The following STX11 variants were observed in gnomAD, a reference collection of about 807,000 sequenced individuals.
STX11 encodes the protein syntaxin-11.
STX11 carries 21 observed loss-of-function variants against 19.9 expected under a neutral mutation model. The ratio of observed to expected loss-of-function variants is 1.06; its 90% CI spans 0.75 to 1.52. The LOEUF is 1.52. STX11 is among the 40% of genes most tolerant of loss of function. The probability of loss-of-function intolerance (pLI) is 0.00; values close to 1 mark genes in which losing one functional copy is unlikely to be tolerated. For missense variants in STX11, 438 were observed against 405.9 expected (o/e 1.08, Z -0.68); for synonymous variants, 193 against 174.4 (o/e 1.11, Z -0.84).
chr6:144,181,348 A>G (rs1801906606), intron 1 of STX11, among the ~76,000 whole-genome samples: 1 of 152,038 alleles, frequency 6.6e-6, no homozygotes. Flanking sequence ...TAATCCCAGA[A>G]CTTTGGGAGG....
upstream of STX11, among the ~76,000 whole-genome samples, chr6:144,146,627 A>G (rs952427103): frequency 1.3e-5 from 2 of 151,990 alleles, no homozygotes; most frequent in African/African-American, 2.4e-5. The surrounding 1 kb of genome is among the most constrained non-coding windows in gnomAD (Gnocchi z 4.4). Context: ...TTTTAATTTC[A>G]TTGATAAAAT....
the STX11 span, chr6:144,140,800 C>T: frequency 1.0e-6 from 1 of 985,334 alleles, no homozygotes; most frequent in Non-Finnish European, 1.2e-6. Context: ...AGCCAGATCT[C>T]AGCCCCAAAG....
chr6:144,171,371 A>T (rs995066104), intron 1 of STX11, among the ~76,000 whole-genome samples: 2 of 152,152 alleles, frequency 1.3e-5, no homozygotes, highest in African/African-American at 4.8e-5. Context: ...GCATCAGGAA[A>T]CTTCTCTGGT....
At chr6:144,163,500 CAG>C (rs1360258151) in intron 1 of STX11, among the ~76,000 whole-genome samples, 2 of 151,836 alleles carry the variant, frequency 1.3e-5, no homozygotes, top group African/African-American at 2.4e-5. Flanking sequence ...TTTTTTGAGA[CAG>C]AGTCTTACTC....
chr6:144,143,588 T>G, the STX11 span, among the ~76,000 whole-genome samples: 1 of 152,070 alleles, frequency 6.6e-6, no homozygotes, highest in African/African-American at 2.4e-5. Context: ...GAACTTCTAT[T>G]TGGAATACAT....
At position 144,172,392 on chromosome 6, in the gene STX11, A is replaced by G. The variant is rs750623307; in HGVS notation, c.-5-14231A>G. 5.3e-5 allele frequency among the ~76,000 whole-genome samples: 8 copies of G among 152,014 alleles called. No individual in the cohort carries two copies. Among genetic ancestry groups the G allele is most frequent in the Non-Finnish European group, 1.0e-4 (7 of 68,006 alleles). ...GAGGCTAGTCTGAGCTTTCTCACAT[A>G]ATGGTTTCAGTGTTCCCAGAGCAGA... On this transcript the variant is annotated intron_variant, in intron 1 of 1. Coordinates refer to ENST00000367568, the MANE Select transcript of STX11 (RefSeq NM_003764.4). The surrounding 1 kb of genome is among the most constrained non-coding windows in gnomAD (Gnocchi z 4.2).
Position 144,159,702 on chromosome 6 carries a change from A to AATT in STX11, c.-6+9000_-6+9001insTTA, listed in dbSNP as rs1425633483. 3.3e-5 allele frequency among the ~76,000 whole-genome samples: 5 copies of AATT among 152,248 alleles called. No individual in the cohort carries two copies. Among genetic ancestry groups the AATT allele is most frequent in the Admixed American group, 6.5e-5 (1 of 15,282 alleles). ...TTTAATATGTAATATACAGTGGAAG[A>AATT]AAATAAATGTAAAGCTCTGAAAATC... On this transcript the variant is annotated intron_variant, in intron 1 of 1. Transcript: ENST00000367568. The surrounding 1 kb of genome is among the most constrained non-coding windows in gnomAD (Gnocchi z 4.3).
upstream of STX11, among the ~76,000 whole-genome samples, chr6:144,148,799 G>C (rs1201606074): frequency 6.6e-6 from 1 of 151,984 alleles, no homozygotes; most frequent in African/African-American, 2.4e-5. Context: ...TGGCTATGTC[G>C]GCCAGATCAG....
chr6:144,177,958 A>T lies in STX11; in HGVS notation c.-5-8665A>T, dbSNP rs1252504617. Among the ~76,000 whole-genome samples, 1 of 152,216 alleles carries T rather than the reference A, an allele frequency of 6.6e-6. No homozygotes were observed. Among genetic ancestry groups the T allele is most frequent in the East Asian group, 1.9e-4 (1 of 5,198 alleles). On this transcript the variant is annotated intron_variant, in intron 1 of 1. Coordinates refer to ENST00000367568, the MANE Select transcript of STX11 (RefSeq NM_003764.4). This position sits in a 1 kb window ranked among gnomAD's most constrained non-coding sequence, Gnocchi z 4.4. ...GTTGCAATGTTGGGGAAACTCTGAT[A>T]TGAAGAAATTTGTGTGGGAAAGAAA...
Position 144,176,432 on chromosome 6 carries a change from C to G in STX11, c.-5-10191C>G, listed in dbSNP as rs1801779269. Among the ~76,000 whole-genome samples, 1 of 152,204 alleles carries G rather than the reference C, an allele frequency of 6.6e-6. No individual in the cohort carries two copies. The highest frequency in any genetic ancestry group is 1.9e-4 in the East Asian group (1 of 5,198). ...GTGAGGATTGTGGTGGATTTTATATCAGTTCTCAAGCACAATGACTGGTTT... is the reference window on the plus strand; with the variant it reads ...GTGAGGATTGTGGTGGATTTTATATGAGTTCTCAAGCACAATGACTGGTTT... On this transcript the variant is annotated intron_variant, in intron 1 of 1. Coordinates refer to ENST00000367568, the MANE Select transcript of STX11 (RefSeq NM_003764.4). This position sits in a 1 kb window ranked among gnomAD's most constrained non-coding sequence, Gnocchi z 4.1.
intron 1 of STX11, among the ~76,000 whole-genome samples, chr6:144,171,676 G>A (rs1801640250): frequency 6.6e-6 from 1 of 151,946 alleles, no homozygotes; most frequent in Non-Finnish European, 1.5e-5. Context: ...CAGAGTCTTT[G>A]TGTGGAAGCT....
At chr6:144,158,929 C>G (rs1403168174) in intron 1 of STX11, among the ~76,000 whole-genome samples, 3 of 152,228 alleles carry the variant, frequency 2.0e-5, no homozygotes, top group African/African-American at 7.2e-5. Flanking sequence ...TTTCCCTTCT[C>G]CCTACCAAGC....
At chr6:144,140,258 A>ATG in the STX11 span, among the ~76,000 whole-genome samples, 2 of 52,506 alleles carry the variant, frequency 3.8e-5, no homozygotes, top group African/African-American at 1.4e-4. Context: ...ATATATATTT[A>ATG]TTTATTTATT....
intron 1 of STX11, among the ~76,000 whole-genome samples, chr6:144,185,363 T>G (rs1802000158): frequency 6.6e-6 from 1 of 152,224 alleles, no homozygotes; most frequent in Non-Finnish European, 1.5e-5. Flanking sequence ...TTACTACTTT[T>G]CCCCTCTTTG....
Position 144,183,646 on chromosome 6 carries a change from T to C in STX11, c.-5-2977T>C, listed in dbSNP as rs1390564597. 2.0e-5 allele frequency among the ~76,000 whole-genome samples: 3 copies of C among 152,070 alleles called. No individual in the cohort carries two copies. Among genetic ancestry groups the C allele is most frequent in the African/African-American group, 2.4e-5 (1 of 41,398 alleles). The stretch of plus-strand genomic sequence containing the variant: ...ACTTTTTTTTAATCTAGAAAAAAAA[T>C]TTAATGTACTTGCTTAGTTCAGCAG... On this transcript the variant is annotated intron_variant, in intron 1 of 1. Transcript: ENST00000367568. This position sits in a 1 kb window ranked among gnomAD's most constrained non-coding sequence, Gnocchi z 4.6.
chr6:144,168,962 A>G (rs570836341), intron 1 of STX11, among the ~76,000 whole-genome samples: 54 of 152,296 alleles, frequency 3.5e-4, no homozygotes, highest in African/African-American at 1.3e-3. Context: ...AGGAATAACA[A>G]ATTCTTGCAA....
Position 144,186,906 on chromosome 6 carries a change from C to A in STX11, c.279C>A (p.Ile93=). The A allele has an allele frequency of 6.2e-7, 1 of 1,611,420 alleles. No individual in the cohort carries two copies. The highest frequency in any genetic ancestry group is 8.5e-7 in the Non-Finnish European group (1 of 1,180,010). The change falls in exon 2 of 2, where the codon ATC becomes ATA. Residue 93 remains isoleucine, a synonymous_variant. Transcript: ENST00000367568. ...ACACCAACTCCATCGCCAAGGCCAT[C>A]AAGGCCCGGGGCGAGGTCATCCACT... ...KRDTNSIAKA[I]KARGEVIHCK... is the part of the protein sequence containing the mutation.
chr6:144,175,019 C>T lies in STX11; in HGVS notation c.-5-11604C>T, dbSNP rs1442175450. ...GTCCCAGCTACTCGGGAGGCTGAGG[C>T]GGGTGGATCACTTGAGGCCAAGAGT... On this transcript the variant is annotated intron_variant, in intron 1 of 1. Transcript: ENST00000367568. The surrounding 1 kb of genome is among the most constrained non-coding windows in gnomAD (Gnocchi z 5.1). Among the ~76,000 whole-genome samples the T allele has an allele frequency of 2.6e-5, 4 of 151,862 alleles. No individual in the cohort carries two copies. The highest frequency in any genetic ancestry group is 5.9e-5 in the Non-Finnish European group (4 of 67,962).
At chr6:144,181,445 C>T (rs1801909075) in intron 1 of STX11, among the ~76,000 whole-genome samples, 1 of 151,512 alleles carries the variant, frequency 6.6e-6, no homozygotes, top group South Asian at 2.1e-4. Flanking sequence ...AAATACAAAA[C>T]TTAGCTGGGC....
Sources: allele counts gnomAD v4.1 joint callset (sites outside exome capture counted in the v4.1 genomes callset), GRCh38; gene constraint gnomAD v4.1.1; non-coding constraint Gnocchi (gnomAD v3.1); transcripts MANE v1.5; gene names NCBI Gene and HGNC (gene_info 2026-07-23, HGNC 2026-07-21).